CCDC38: variants seen among roughly 807,000 people sequenced by gnomAD.
CCDC38 encodes coiled-coil domain containing 38, also known as coiled-coil domain-containing protein 38.
Under a neutral mutation model 72.8 loss-of-function variants are expected in CCDC38, and 69 were observed. The ratio of observed to expected loss-of-function variants is 0.95; its 90% confidence interval spans 0.78 to 1.16. The LOEUF is 1.16. Ranked by LOEUF, CCDC38 falls within the 50% of genes most tolerant of loss-of-function variation. The probability of loss-of-function intolerance (pLI) is 0.00; values close to 1 mark genes in which losing one functional copy is unlikely to be tolerated. For missense variants in CCDC38, 626 were observed against 638.9 expected (o/e 0.98, Z 0.22); for synonymous variants, 201 against 213.2 (o/e 0.94, Z 0.50).
At chr12:95,907,858 A>G (rs1445602393) in intron 4 of CCDC38, among the ~76,000 whole-genome samples, 1 of 148,470 alleles carries the variant, frequency 6.7e-6, no homozygotes, top group African/African-American at 2.5e-5. Flanking sequence ...CCGGGCAGAG[A>G]CGCTCCTCAC....
At chr12:95,888,373 C>A in intron 10 of CCDC38, 85 bp downstream of exon 10, 1 of 1,192,798 alleles carries the variant, frequency 8.4e-7, no homozygotes, top group Non-Finnish European at 1.3e-6. Context: ...GGGTACATGA[C>A]ATATATGTTG....
intron 2 of CCDC38, among the ~76,000 whole-genome samples, chr12:95,925,267 G>A (rs1172076461): frequency 6.6e-6 from 1 of 152,142 alleles, no homozygotes; most frequent in Non-Finnish European, 1.5e-5. Flanking sequence ...TCCCTTGTAA[G>A]TTGGATTCCT....
intron 2 of CCDC38, chr12:95,919,485 G>T (rs964968604): frequency 2.2e-6 from 1 of 455,396 alleles, no homozygotes; most frequent in Non-Finnish European, 4.4e-6. Flanking sequence ...AAATATAGAA[G>T]TATGGAGTAT....
At chr12:95,878,467 T>A in intron 12 of CCDC38, 121 bp from the exon 13 acceptor site, 3 of 954,350 alleles carry the variant, frequency 3.1e-6, no homozygotes, top group Non-Finnish European at 4.7e-6. Flanking sequence ...CAAATACAAG[T>A]CTGTATTTGA....
chr12:95,882,251 G>A (rs2079708952), intron 10 of CCDC38, among the ~76,000 whole-genome samples: 1 of 152,126 alleles, frequency 6.6e-6, no homozygotes, highest in Non-Finnish European at 1.5e-5. Context: ...CAGTGATGAT[G>A]GCAACGATGA....
intron 2 of CCDC38, among the ~76,000 whole-genome samples, chr12:95,920,793 T>C (rs984810125): frequency 2.0e-5 from 3 of 152,012 alleles, no homozygotes; most frequent in African/African-American, 7.2e-5. Flanking sequence ...TGGTTGCACA[T>C]AATTGTTCTA....
intron 2 of CCDC38, among the ~76,000 whole-genome samples, chr12:95,926,601 T>C (rs1049307130): frequency 6.6e-6 from 1 of 152,092 alleles, no homozygotes; most frequent in African/African-American, 2.4e-5. Context: ...ATGTGTTTGC[T>C]CTTGCTTTTC....
chr12:95,914,673 T>G (rs1433994468), intron 4 of CCDC38, among the ~76,000 whole-genome samples: 1 of 152,218 alleles, frequency 6.6e-6, no homozygotes, highest in Non-Finnish European at 1.5e-5. Flanking sequence ...TTCCCAGTTG[T>G]CTTAAAAATA....
At chr12:95,886,319 A>C (rs565333667) in intron 10 of CCDC38, among the ~76,000 whole-genome samples, 1 of 152,324 alleles carries the variant, frequency 6.6e-6, no homozygotes, top group South Asian at 2.1e-4. Context: ...AATTAACTCA[A>C]AATGGAAAAT....
chr12:95,902,648 C>T (rs2079962282), intron 5 of CCDC38, among the ~76,000 whole-genome samples: 1 of 152,138 alleles, frequency 6.6e-6, no homozygotes, highest in African/African-American at 2.4e-5. Flanking sequence ...TTGTTTCCTA[C>T]ATTGGGCTAC....
chr12:95,891,340 TTTTTA>T (rs1344323907), intron 8 of CCDC38, among the ~76,000 whole-genome samples: 1 of 152,084 alleles, frequency 6.6e-6, no homozygotes, highest in Non-Finnish European at 1.5e-5. Flanking sequence ...GAGATGAAAT[TTTTTA>T]TTTTATTTTA....
chr12:95,919,344 T>C (rs879889769), intron 2 of CCDC38: 1 of 373,264 alleles, frequency 2.7e-6, no homozygotes, highest in Non-Finnish European at 5.3e-6. Flanking sequence ...CACTCAGCAG[T>C]GTATGAGTGG....
At chr12:95,900,283 T>C (rs182459914) in intron 5 of CCDC38, among the ~76,000 whole-genome samples, 580 of 152,234 alleles carry the variant, frequency 3.8e-3, no homozygotes, top group Non-Finnish European at 5.6e-3. Flanking sequence ...TAATCCCAAA[T>C]GTCAAAATCC....
At chr12:95,889,601 G>T (rs75611089) in intron 9 of CCDC38, among the ~76,000 whole-genome samples, 6,585 of 152,170 alleles carry the variant, frequency 0.043, 456 homozygotes, top group East Asian at 0.36. Context: ...GGTCATTTCT[G>T]GGCAGGCAAC....
At chr12:95,891,613 G>C (rs1030674641) in intron 8 of CCDC38, among the ~76,000 whole-genome samples, 3 of 152,110 alleles carry the variant, frequency 2.0e-5, no homozygotes, top group African/African-American at 4.8e-5. Flanking sequence ...CTCCCAAATT[G>C]TTGGGATTAC....
At chr12:95,869,207 C>A (rs1457586304) in intron 15 of CCDC38, among the ~76,000 whole-genome samples, 1 of 151,942 alleles carries the variant, frequency 6.6e-6, no homozygotes, top group Non-Finnish European at 1.5e-5. Flanking sequence ...TTCCAAAAAA[C>A]AAGAAAAAAA....
chr12:95,936,331 G>C (rs1485738418), intron 2 of CCDC38, 142 bp downstream of exon 2: 1 of 717,414 alleles, frequency 1.4e-6, no homozygotes, highest in Non-Finnish European at 2.1e-6. Context: ...AAGTAGAACA[G>C]AATCTTCTCT....
intron 9 of CCDC38, among the ~76,000 whole-genome samples, chr12:95,890,043 C>T (rs576802779): frequency 6.6e-6 from 1 of 152,252 alleles, no homozygotes; most frequent in East Asian, 1.9e-4. Context: ...TCCTCAGCAG[C>T]TGGGACTATA....
At chr12:95,908,475 G>C (rs1424455812) in intron 4 of CCDC38, among the ~76,000 whole-genome samples, 2 of 2 alleles carry the variant, frequency 1, 1 homozygote, top group Non-Finnish European at 1. Flanking sequence ...GGGAGAGGGA[G>C]AGGGAGAGGG....
Sources: allele counts gnomAD v4.1 joint callset (sites outside exome capture counted in the v4.1 genomes callset), GRCh38; gene constraint gnomAD v4.1.1; transcripts MANE v1.5; gene names NCBI Gene and HGNC (gene_info 2026-07-23, HGNC 2026-07-21).